ANO4: variants seen among roughly 807,000 people sequenced by gnomAD.
The protein encoded by ANO4 is anoctamin-4.
In ANO4, 69 loss-of-function variants were observed where a neutral mutation model predicts 141.9. That is an observed-to-expected ratio of 0.49 (90% CI 0.40 to 0.59). The LOEUF is 0.59. Among genes scored for constraint, ANO4 ranks in the 20% least tolerant of loss-of-function variants. The pLI is 0.00. For synonymous variants in ANO4, 350 were observed against 394.3 expected (o/e 0.89, Z 1.33); for missense variants, 894 against 1,162.2 (o/e 0.77, Z 3.36).
intron 12 of ANO4, among the ~76,000 whole-genome samples, chr12:101,042,847 A>T (rs2047463530): frequency 6.6e-6 from 1 of 152,206 alleles, no homozygotes; most frequent in Non-Finnish European, 1.5e-5. Context: ...AACTTGAGCC[A>T]GAAAGACATC....
chr12:101,112,954 T>C (rs2050716894), intron 24 of ANO4, among the ~76,000 whole-genome samples: 1 of 152,242 alleles, frequency 6.6e-6, no homozygotes. Context: ...ATTGCAACTA[T>C]CGTTGACATT....
At chr12:101,027,632 T>G (rs2046798959) in intron 9 of ANO4, among the ~76,000 whole-genome samples, 1 of 152,228 alleles carries the variant, frequency 6.6e-6, no homozygotes, top group East Asian at 1.9e-4. Context: ...TGACATATCC[T>G]TCCTCACTTC....
chr12:101,024,612 A>G (rs2046659760), intron 9 of ANO4, among the ~76,000 whole-genome samples: 7 of 151,234 alleles, frequency 4.6e-5, no homozygotes, highest in Admixed American at 2.6e-4. Flanking sequence ...AAAAAAAGTT[A>G]TCATGTGAGT....
chr12:101,001,266 C>T (rs2045626552), intron 8 of ANO4, among the ~76,000 whole-genome samples: 1 of 152,072 alleles, frequency 6.6e-6, no homozygotes. Context: ...CTATAGTATA[C>T]GTATGTAGTC....
At chr12:100,830,605 G>A (rs898441740) in intron 1 of ANO4, among the ~76,000 whole-genome samples, 4 of 151,926 alleles carry the variant, frequency 2.6e-5, no homozygotes, top group African/African-American at 7.2e-5. Flanking sequence ...ACTGCCCCGG[G>A]ACTGCTTCTT....
Position 101,069,011 on chromosome 12 carries a change from T to G in ANO4, c.1313-10182T>G. 6.3e-6 allele frequency: 5 copies of G among 796,184 alleles called. No individual in the cohort carries two copies. In the South Asian group the frequency reaches 6.7e-5, roughly 11 times the overall value. 49.3% of individuals were successfully genotyped at this position (796,184 alleles called of 1,614,324 possible). On this transcript the variant is annotated intron_variant, in intron 14 of 27. Coordinates refer to ENST00000392977, the MANE Select transcript of ANO4 (RefSeq NM_001286615.2). ...AACAAAGCTCTGGATAAGGCCCAGT[T>G]TAAAGAGCAAAGATGTCAAGTTGGC...
intron 3 of ANO4, among the ~76,000 whole-genome samples, chr12:100,742,368 A>G (rs1435589234): frequency 6.6e-6 from 1 of 152,136 alleles, no homozygotes; most frequent in Non-Finnish European, 1.5e-5. Context: ...GTTTTAAAGA[A>G]TAAAGTTAAT....
rs143520672 is a variant in ANO4 at position 101,046,665 on chromosome 12, A to G, written c.1252-1676A>G. ...TGTCATCAGCTTAAGCTAACTGACT[A>G]TCTCATTGGGAACCGGAGCCCCTAT... On this transcript the variant is annotated intron_variant, in intron 13 of 27. Coordinates refer to ENST00000392977, the MANE Select transcript of ANO4 (RefSeq NM_001286615.2). Among the ~76,000 whole-genome samples, 846 of 152,308 alleles carry G rather than the reference A, an allele frequency of 5.6e-3. 11 individuals are homozygous for G. Among genetic ancestry groups the G allele is most frequent in the African/African-American group, 0.019 (782 of 41,560 alleles).
At chr12:101,008,609 A>G (rs1253727552) in intron 8 of ANO4, among the ~76,000 whole-genome samples, 1 of 152,118 alleles carries the variant, frequency 6.6e-6, no homozygotes, top group Non-Finnish European at 1.5e-5. Flanking sequence ...AATATGAATC[A>G]TTTTCCTTTT....
chr12:100,959,244 C>A (rs922515508), intron 5 of ANO4, among the ~76,000 whole-genome samples: 1 of 152,152 alleles, frequency 6.6e-6, no homozygotes, highest in African/African-American at 2.4e-5. Context: ...TGTGTGCTGT[C>A]GCGGGAGCTC....
chr12:100,733,492 C>A (rs1482964052), intron 1 of ANO4, among the ~76,000 whole-genome samples: 1 of 152,150 alleles, frequency 6.6e-6, no homozygotes, highest in African/African-American at 2.4e-5. Context: ...CCCCAACTGC[C>A]CAAGCACCCT....
At chr12:100,746,938 CCTTT>C (rs147295315) in intron 3 of ANO4, among the ~76,000 whole-genome samples, 5,372 of 152,182 alleles carry the variant, frequency 0.035, 209 homozygotes, top group Admixed American at 0.12. Context: ...TGCACCTAGG[CCTTT>C]CTTTTTTGCT....
At chr12:100,718,534 C>T (rs1445340472) in intron 1 of ANO4, among the ~76,000 whole-genome samples, 3 of 152,186 alleles carry the variant, frequency 2.0e-5, no homozygotes, top group Non-Finnish European at 4.4e-5. Flanking sequence ...AATCTTCATT[C>T]TCTAGGCCAG....
chr12:100,746,795 C>A (rs1422416856), intron 3 of ANO4, among the ~76,000 whole-genome samples: 3 of 152,180 alleles, frequency 2.0e-5, no homozygotes, highest in Non-Finnish European at 4.4e-5. Context: ...GCAATGGGTC[C>A]CCTCCTTTAG....
intron 3 of ANO4, among the ~76,000 whole-genome samples, chr12:100,751,671 T>A (rs950295263): frequency 2.0e-5 from 3 of 152,020 alleles, no homozygotes; most frequent in Non-Finnish European, 4.4e-5. Flanking sequence ...CAGTACTACA[T>A]TAGGTGCTGG....
chr12:100,995,267 A>T (rs2045318724), intron 8 of ANO4, among the ~76,000 whole-genome samples: 1 of 152,122 alleles, frequency 6.6e-6, no homozygotes, highest in Non-Finnish European at 1.5e-5. Context: ...GGGCAGAGAG[A>T]GTTCCAAGAG....
At chr12:100,930,727 C>G (rs2042057858) in intron 3 of ANO4, among the ~76,000 whole-genome samples, 1 of 152,282 alleles carries the variant, frequency 6.6e-6, no homozygotes, top group South Asian at 2.1e-4. Flanking sequence ...GAGATGTCAA[C>G]ACAACCATTT....
chr12:101,102,968 G>A (rs1284380675), intron 22 of ANO4, among the ~76,000 whole-genome samples: 2 of 151,290 alleles, frequency 1.3e-5, no homozygotes, highest in Admixed American at 6.6e-5. Flanking sequence ...GAATCTTTGT[G>A]CAACTGCAAA....
chr12:101,037,860 GC>G, intron 10 of ANO4, among the ~76,000 whole-genome samples: 1 of 152,298 alleles, frequency 6.6e-6, no homozygotes, highest in South Asian at 2.1e-4. Flanking sequence ...AAATGTCATA[GC>G]CTCTGTCCTC....
Sources: gnomAD v4.1 joint callset for allele counts (sites outside exome capture counted in the v4.1 genomes callset) on GRCh38, gnomAD v4.1.1 for gene constraint, MANE v1.5 for transcripts, NCBI Gene and HGNC (gene_info 2026-07-23, HGNC 2026-07-21) for gene names.